Variants in LRRK2 observed in about 807,000 individuals in gnomAD.
LRRK2 encodes leucine rich repeat kinase 2, also known as leucine-rich repeat serine/threonine-protein kinase 2.
Under a neutral mutation model 302.6 loss-of-function variants are expected in LRRK2, and 203 were observed. That is an observed-to-expected ratio of 0.67 (90% confidence interval 0.60 to 0.75). The LOEUF (loss-of-function observed/expected upper bound fraction) is 0.75. Ranked by LOEUF, LRRK2 falls within the 30% of genes least tolerant of loss-of-function variation. LRRK2 has a pLI of 0.00. For synonymous variants in LRRK2, 1,066 were observed against 1,031.9 expected (o/e 1.03, Z -0.63); for missense variants, 2,830 against 2,951.0 (o/e 0.96, Z 0.95).
chr12:40,265,017 G>A (rs1397659076), intron 14 of LRRK2, among the ~76,000 whole-genome samples: 1 of 152,108 alleles, frequency 6.6e-6, no homozygotes, highest in African/African-American at 2.4e-5. Context: ...ATACTTTGAT[G>A]AATGTCATAA....
intron 18 of LRRK2, among the ~76,000 whole-genome samples, chr12:40,282,725 G>T (rs1167591721): frequency 6.6e-6 from 1 of 152,112 alleles, no homozygotes; most frequent in African/African-American, 2.4e-5. Context: ...AGACTGGTGG[G>T]CATTTAATTG....
intron 1 of LRRK2, 102 bp from the exon 2 acceptor site, chr12:40,225,435 AGCTGAGAATTTCAGGAAG>A: frequency 7.9e-7 from 1 of 1,264,270 alleles, no homozygotes; most frequent in Non-Finnish European, 1.1e-6. Context: ...GGCAGAAAGC[AGCTGAGAATTTCAGGAAG>A]GTCTTCACCT....
At position 40,348,410 on chromosome 12, in the gene LRRK2, T is replaced by A; in HGVS notation, c.6282T>A (p.Asp2094Glu). The A allele has an allele frequency of 6.3e-7, 1 of 1,594,376 alleles. No individual in the cohort carries two copies. Among genetic ancestry groups the A allele is most frequent in the South Asian group, 1.1e-5 (1 of 90,534 alleles). The part of the protein sequence containing the change: ...DELEIQGKLP[D>E]PVKEYGCAPW... The stretch of plus-strand genomic sequence containing the variant: ...GCATGATGTTTTTTAATGTTTTAGA[T>A]CCAGTTAAAGAATATGGTTGTGCCC... The change falls in exon 43 of 51, where the codon GAT becomes GAA. Residue 2094 changes from aspartate to glutamate, a missense_variant and splice_region_variant. Asp to Glu is a conservative substitution (Grantham distance 45). Around this residue, in one of 3 missense-constraint regions of LRRK2, gnomAD observed 253 missense variants for 346.7 expected, o/e 0.73. Transcript: ENST00000298910.
At chr12:40,367,122 G>C (rs760688586) in intron 50 of LRRK2, 45 bp downstream of exon 50, 1 of 1,364,180 alleles carries the variant, frequency 7.3e-7, no homozygotes, top group South Asian at 1.2e-5. Flanking sequence ...GCAATGATGT[G>C]AATGATGGTA....
chr12:40,299,297 T>C, intron 25 of LRRK2, 40 bp downstream of exon 25: 1 of 1,609,272 alleles, frequency 6.2e-7, no homozygotes, highest in African/African-American at 1.3e-5. Context: ...CCAGGCCCTC[T>C]AAGTTGTACA....
chr12:40,237,878 G>A (rs1941539571), intron 4 of LRRK2, 91 bp from the exon 5 acceptor site: 4 of 1,374,176 alleles, frequency 2.9e-6, no homozygotes, highest in Non-Finnish European at 3.1e-6. Context: ...ACCATTCACA[G>A]TCTTCATGTA....
At position 40,312,618 on chromosome 12, in the gene LRRK2, G is replaced by A. The variant is rs1315825294; in HGVS notation, c.4537-1354G>A. On this transcript the variant is annotated intron_variant, in intron 31 of 50. Coordinates refer to ENST00000298910, the MANE Select transcript of LRRK2 (RefSeq NM_198578.4). ...TAAGTTTTGTTTTTTGGCTCAGCCT[G>A]TCAGTTAACTGATAATCATGCTGAA... The A allele has an allele frequency of 2.0e-5, 3 of 152,090 alleles. No individual in the cohort carries two copies. The South Asian group carries it at 6.2e-4, about 31-fold the overall frequency. 9.4% of individuals were successfully genotyped at this position (152,090 alleles called of 1,614,324 possible). A position where few individuals can be genotyped will look rare whatever the true frequency, so the allele number is the denominator to read the frequency against.
At chr12:40,344,701 A>C (rs1480431214) in intron 41 of LRRK2, among the ~76,000 whole-genome samples, 1 of 152,102 alleles carries the variant, frequency 6.6e-6, no homozygotes, top group Non-Finnish European at 1.5e-5. Flanking sequence ...TTTATTAGGG[A>C]TATGTTTTAT....
rs1201810126 is a variant in LRRK2 at position 40,274,883 on chromosome 12, G to A, written c.1831G>A (p.Gly611Arg). 6.2e-7 allele frequency: 1 copy of A among 1,612,366 alleles called. No homozygotes were observed. Among genetic ancestry groups the A allele is most frequent in the East Asian group, 2.2e-5 (1 of 44,832 alleles). Residue 611 changes from glycine to arginine, a missense_variant, in exon 16 of 51, where the codon GGA becomes AGA. Gly to Arg is a moderately radical substitution (Grantham distance 125, BLOSUM62 -2). This residue lies in a region of LRRK2 where 2,121 missense variants were observed against 2,148.0 expected (regional missense o/e 0.99). Coordinates refer to ENST00000298910, the MANE Select transcript of LRRK2 (RefSeq NM_198578.4). ...EIQCLGLSLI[G>R]YLITKKNVFI... ...TCAGTGTCTGGGTTTAAGTCTTATAGGATACTTGATTACAAAGAAGAATGT... is the reference window on the plus strand; with the variant it reads ...TCAGTGTCTGGGTTTAAGTCTTATAAGATACTTGATTACAAAGAAGAATGT...
At chr12:40,317,690 C>A (rs1013725782) in intron 33 of LRRK2, among the ~76,000 whole-genome samples, 1 of 152,028 alleles carries the variant, frequency 6.6e-6, no homozygotes, top group Non-Finnish European at 1.5e-5. Context: ...GGGAGAAATA[C>A]AAAGGAATTT....
intron 32 of LRRK2, 150 bp from the exon 33 acceptor site, chr12:40,315,062 G>C: frequency 1.4e-6 from 1 of 698,464 alleles, no homozygotes; most frequent in South Asian, 1.5e-5. Context: ...TTAGACCATA[G>C]GATGCACAGC....
rs1331184660 is a variant in LRRK2 at position 40,295,278 on chromosome 12, C to CTCTA, written c.2879-148_2879-147insCTAT. Reference sequence around the variant, plus strand: ...TTTTATTTACTGTTCATCTCTGCCACTGGAATGTAAACTCCATAGTTTGGT... The same window carrying CTCTA: ...TTTTATTTACTGTTCATCTCTGCCACTCTATGGAATGTAAACTCCATAGTTTGGT... On this transcript the variant is annotated intron_variant, in intron 22 of 50. Coordinates refer to ENST00000298910, the MANE Select transcript of LRRK2 (RefSeq NM_198578.4). 3 of 693,070 alleles carry CTCTA rather than the reference C, an allele frequency of 4.3e-6. No individual in the cohort carries two copies. The East Asian group carries it at 8.1e-5, about 19-fold the overall frequency. 42.9% of individuals were successfully genotyped at this position (693,070 alleles called of 1,614,324 possible).
In LRRK2 at chr12:40,322,253, T is replaced by C; in HGVS notation, c.5318-66T>C. On this transcript the variant is annotated intron_variant, in intron 36 of 50. Transcript: ENST00000298910. Reference sequence around the variant, plus strand: ...TTAAACTTAAAAAAAAAAAAAACTTTACCTTAAAGCTTTGCGACAGTATGA... The same window carrying C: ...TTAAACTTAAAAAAAAAAAAAACTTCACCTTAAAGCTTTGCGACAGTATGA... 3 of 1,560,748 alleles carry C rather than the reference T, an allele frequency of 1.9e-6. No individual in the cohort carries two copies. The South Asian group carries it at 3.5e-5, about 18-fold the overall frequency.
At chr12:40,240,823 A>G (rs930838025) in intron 6 of LRRK2, among the ~76,000 whole-genome samples, 6 of 152,158 alleles carry the variant, frequency 3.9e-5, no homozygotes, top group Non-Finnish European at 8.8e-5. Context: ...CAATCGTGGA[A>G]AATACAGATG....
chr12:40,365,247 A>G (rs948349211), intron 49 of LRRK2, 197 bp downstream of exon 49: 18 of 573,180 alleles, frequency 3.1e-5, no homozygotes, highest in Non-Finnish European at 5.5e-5. Flanking sequence ...TCTCAGTCCC[A>G]CAAGAGAAGC....
rs73097459 is a variant in LRRK2, at chr12:40,328,092, A to G, written c.5657-268A>G. On this transcript the variant is annotated intron_variant, in intron 38 of 50. Coordinates refer to ENST00000298910, the MANE Select transcript of LRRK2 (RefSeq NM_198578.4). Reference sequence around the variant, plus strand: ...GAAAATGTGAAAATTCTCTACATTAAAGGGATAGATGAAGTCACAGAAGTG... The same window carrying G: ...GAAAATGTGAAAATTCTCTACATTAGAGGGATAGATGAAGTCACAGAAGTG... Among the ~76,000 whole-genome samples the G allele has an allele frequency of 0.012, 1,818 of 152,266 alleles. 51 individuals carry two copies. Among genetic ancestry groups the G allele is most frequent in the African/African-American group, 0.039 (1,614 of 41,542 alleles).
chr12:40,233,965 T>G (rs1410165128), intron 3 of LRRK2, among the ~76,000 whole-genome samples: 1 of 152,170 alleles, frequency 6.6e-6, no homozygotes, highest in Non-Finnish European at 1.5e-5. Flanking sequence ...TGGAGTGTAT[T>G]AGATCACTCC....
At chr12:40,327,367 AAAG>A (rs1261951068) in intron 38 of LRRK2, among the ~76,000 whole-genome samples, 1 of 152,330 alleles carries the variant, frequency 6.6e-6, no homozygotes, top group Non-Finnish European at 1.5e-5. Context: ...TACAGAATTA[AAAG>A]AAGAAAAAAA....
intron 10 of LRRK2, among the ~76,000 whole-genome samples, chr12:40,252,486 AT>A (rs1168150614): frequency 1.3e-5 from 2 of 152,276 alleles, no homozygotes; most frequent in Non-Finnish European, 1.5e-5. Context: ...TAGGATACCT[AT>A]TTTTCAATAT....
Sources: allele counts gnomAD v4.1 joint callset (sites outside exome capture counted in the v4.1 genomes callset), GRCh38; gene constraint gnomAD v4.1.1; regional missense constraint gnomAD v4.1.1; transcripts MANE v1.5; gene names NCBI Gene and HGNC (gene_info 2026-07-23, HGNC 2026-07-21).